The following SART3 variants were observed in gnomAD, a reference collection of about 807,000 sequenced individuals.
The protein encoded by SART3 is HIV-1 Tat-interacting protein of 110kDa.
Under a neutral mutation model 122.3 loss-of-function variants are expected in SART3, and 44 were observed. The ratio of observed to expected loss-of-function variants is 0.36; its 90% CI spans 0.28 to 0.46. The LOEUF (loss-of-function observed/expected upper bound fraction) is 0.46, where lower values mean the gene tolerates loss of function less well. Ranked by LOEUF, SART3 falls within the 20% of genes least tolerant of loss-of-function variation. The pLI is 1.00. For missense variants in SART3, 1,101 were observed against 1,229.0 expected (o/e 0.90, Z 1.56); for synonymous variants, 442 against 454.0 (o/e 0.97, Z 0.34).
At chr12:108,542,014 T>C (rs1286451580) in intron 6 of SART3, among the ~76,000 whole-genome samples, 4 of 140,012 alleles carry the variant, frequency 2.9e-5, no homozygotes, top group Non-Finnish European at 4.7e-5. Flanking sequence ...TTTTTTTTTT[T>C]TTTTTTTTTT....
chr12:108,546,230 C>T (rs969780523), intron 3 of SART3, among the ~76,000 whole-genome samples: 1 of 152,078 alleles, frequency 6.6e-6, no homozygotes, highest in Non-Finnish European at 1.5e-5. Context: ...GACACAGTCT[C>T]GTTCTGTCGC....
At chr12:108,535,173 C>T (rs1251666185) in intron 12 of SART3, among the ~76,000 whole-genome samples, 186 bp downstream of exon 12, 1 of 152,064 alleles carries the variant, frequency 6.6e-6, no homozygotes, top group Non-Finnish European at 1.5e-5. Flanking sequence ...GAGTTCCAGG[C>T]ACAAAATATC....
chr12:108,522,938 G>T lies in SART3; in HGVS notation c.*519C>A. 1 of 162,756 alleles carries T rather than the reference G, an allele frequency of 6.1e-6. No homozygotes were observed. Among genetic ancestry groups the T allele is most frequent in the Non-Finnish European group, 1.4e-5 (1 of 73,844 alleles). The allele number at this position is 162,756 out of a possible 1,614,324, so 10.1% of individuals were successfully genotyped here. ...ATTTACAAACACATAATATAAAAAT[G>T]CACAGCCCCATTGAACAAAACTCCA... On this transcript the variant is annotated 3_prime_UTR_variant, in exon 19 of 19. Transcript: ENST00000546815.
chr12:108,544,186 T>C (rs749177215), intron 5 of SART3, among the ~76,000 whole-genome samples: 1 of 152,214 alleles, frequency 6.6e-6, no homozygotes, highest in African/African-American at 2.4e-5. Flanking sequence ...AAAAGAGCTC[T>C]CACCTGGGAG....
At chr12:108,558,059 C>T (rs1331821971) in intron 1 of SART3, among the ~76,000 whole-genome samples, 1 of 152,000 alleles carries the variant, frequency 6.6e-6, no homozygotes, top group African/African-American at 2.4e-5. Context: ...GTCCGAGATA[C>T]TTTGGAGGAT....
At chr12:108,537,046 G>C (rs1015016301) in intron 9 of SART3, 1 of 514,808 alleles carries the variant, frequency 1.9e-6, no homozygotes, top group African/African-American at 1.9e-5. Context: ...GGGTGACACA[G>C]GCAAACAAGA....
intron 8 of SART3, chr12:108,537,832 G>T (rs1872983699): frequency 3.0e-6 from 2 of 677,726 alleles, no homozygotes; most frequent in Non-Finnish European, 5.0e-6. Flanking sequence ...GATCAAGGAA[G>T]TTTGGAGAAA....
In SART3 at chr12:108,545,170, T is replaced by C; in HGVS notation, c.698A>G (p.Glu233Gly). Residue 233 changes from glutamate (E) to glycine (G), a missense_variant, in exon 4 of 19, where the codon GAG (glutamate) becomes GGG (glycine). Physicochemically the swap from Glu to Gly is moderately conservative, Grantham distance 98. Coordinates refer to ENST00000546815, the MANE Select transcript of SART3 (RefSeq NM_014706.4). ...KGLALWEAYREFESAIVEAAR... is the reference protein window; with the variant it reads ...KGLALWEAYRGFESAIVEAAR... Reference sequence around the variant, plus strand: ...AGCTTCCACAATCGCACTTTCAAACTCTCGGTAAGCCTCCCAGAGGGCGAG... The same window carrying C: ...AGCTTCCACAATCGCACTTTCAAACCCTCGGTAAGCCTCCCAGAGGGCGAG... 2 of 1,613,912 alleles carry C rather than the reference T, an allele frequency of 1.2e-6. No homozygotes were observed. The highest frequency in any genetic ancestry group is 2.2e-5 in the East Asian group (1 of 44,868).
Position 108,523,541 on chromosome 12 carries a change from C to T in SART3, c.2808G>A (p.Ala936=), listed in dbSNP as rs35517322. 9,254 of 1,613,842 alleles carry T rather than the reference C, an allele frequency of 5.7e-3. 417 individuals carry two copies. The African/African-American group carries it at 0.11, about 19-fold the overall frequency. The part of the protein sequence containing the change: ...AAPQAENGPA[A]APAVAAPAAT... ...CTGCTGGGGCGGCAACTGCAGGAGC[C>T]GCGGCAGGGCCGTTCTCAGCCTGAG... Residue 936 remains alanine (A), a synonymous_variant, in exon 19 of 19, where the codon GCG becomes GCA. Coordinates refer to ENST00000546815, the MANE Select transcript of SART3 (RefSeq NM_014706.4).
At chr12:108,556,644 T>C (rs1486642430) in intron 1 of SART3, among the ~76,000 whole-genome samples, 1 of 152,234 alleles carries the variant, frequency 6.6e-6, no homozygotes, top group African/African-American at 2.4e-5. Context: ...TGTTTCCTCA[T>C]CTGTACCATG....
intron 6 of SART3, among the ~76,000 whole-genome samples, chr12:108,542,188 C>T (rs574845785): frequency 6.6e-6 from 1 of 152,012 alleles, no homozygotes; most frequent in Non-Finnish European, 1.5e-5. Context: ...GGCCAATCCA[C>T]GTGAAAAGAT....
At position 108,549,131 on chromosome 12, in the gene SART3, C is replaced by A. The variant is rs746879265; in HGVS notation, c.396G>T (p.Arg132Ser). 2.5e-6 allele frequency: 4 copies of A among 1,614,094 alleles called. No homozygotes were observed. Among genetic ancestry groups the A allele is most frequent in the Non-Finnish European group, 3.4e-6 (4 of 1,180,040 alleles). The change falls in exon 2 of 19, where the codon AGG becomes AGT. Residue 132 changes from arginine to serine, a missense_variant. Coordinates refer to ENST00000546815, the MANE Select transcript of SART3 (RefSeq NM_014706.4). ...TTTCACTCATCTTCTGGCGGGCCAT[C>A]CTCACCTTGGTAAGCTCCCCTTCCA... ...LRLEGELTKV[R>S]MARQKMSEIF...
intron 1 of SART3, chr12:108,560,502 AGTGGGAGT>A: frequency 2.5e-6 from 1 of 398,466 alleles, no homozygotes; most frequent in South Asian, 1.1e-4. Context: ...TGTGGTTAAG[AGTGGGAGT>A]TCTGGAATGG....
intron 15 of SART3, among the ~76,000 whole-genome samples, chr12:108,526,755 CTCGGGT>C (rs144732360): frequency 0.11 from 17,127 of 152,088 alleles, 1,367 homozygotes; most frequent in Admixed American, 0.27. Context: ...CCCAATTACA[CTCGGGT>C]AAGTGGGCTC....
intron 1 of SART3, among the ~76,000 whole-genome samples, chr12:108,557,206 G>GTTTTTTTTTTTTTTT (rs71076787): frequency 2.4e-5 from 2 of 82,930 alleles, no homozygotes; most frequent in East Asian, 4.0e-4. Flanking sequence ...TAATGACATA[G>GTTTTTTTTTTTTTTT]TTTTTTTTTT....
At chr12:108,550,157 G>A (rs1200975112) in intron 1 of SART3, among the ~76,000 whole-genome samples, 3 of 151,700 alleles carry the variant, frequency 2.0e-5, no homozygotes, top group Admixed American at 6.6e-5. Flanking sequence ...ATTATTTTAA[G>A]TTACCATATA....
chr12:108,561,162 T>C lies in SART3; in HGVS notation c.-8A>G, dbSNP rs756896368. On this transcript the variant is annotated 5_prime_UTR_variant, in exon 1 of 19. Coordinates refer to ENST00000546815, the MANE Select transcript of SART3 (RefSeq NM_014706.4). ...TTCGGCCGCAGTCGCCATCTTGCGC[T>C]TCTAATGACTCTCGGGTCTTCCCGC... The C allele has an allele frequency of 1.2e-6, 2 of 1,612,248 alleles. No individual in the cohort carries two copies. The highest frequency in any genetic ancestry group is 1.7e-6 in the Non-Finnish European group (2 of 1,178,394).
At chr12:108,558,261 TATGCTCCGCCA>T (rs2030317357) in intron 1 of SART3, among the ~76,000 whole-genome samples, 1 of 152,236 alleles carries the variant, frequency 6.6e-6, no homozygotes, top group Non-Finnish European at 1.5e-5. Flanking sequence ...AATTCATCAT[TATGCTCCGCCA>T]TAAAAGCAGT....
At position 108,536,543 on chromosome 12, in the gene SART3, C is replaced by G. The variant is rs138907360; in HGVS notation, c.1417G>C (p.Val473Leu). The G allele has an allele frequency of 5.0e-4, 809 of 1,614,116 alleles. 2 individuals are homozygous for G. The African/African-American group carries it at 6.9e-3, about 14-fold the overall frequency. ...RFNESGDPSC[V>L]IMQNWARIEA... ...ATCCTAGCCCAGTTCTGCATAATCA[C>G]GCAGCTTGGATCACCACTCTCATTG... is the stretch of plus-strand genomic sequence containing the variant. The change falls in exon 11 of 19, where the codon GTG becomes CTG. Residue 473 changes from valine to leucine, a missense_variant. This residue lies in a region of SART3 where 885 missense variants were observed against 1,080.1 expected (regional missense o/e 0.82). Coordinates refer to ENST00000546815, the MANE Select transcript of SART3 (RefSeq NM_014706.4).
Sources: allele counts gnomAD v4.1 joint callset (sites outside exome capture counted in the v4.1 genomes callset), GRCh38; gene constraint gnomAD v4.1.1; regional missense constraint gnomAD v4.1.1; transcripts MANE v1.5; gene names NCBI Gene and HGNC (gene_info 2026-07-23, HGNC 2026-07-21).